Variants in CMIP observed in about 807,000 individuals in gnomAD.
CMIP encodes C-Maf-inducing protein.
Under a neutral mutation model 97.3 loss-of-function variants are expected in CMIP, and 13 were observed. That is an observed-to-expected ratio of 0.13 (90% CI 0.09 to 0.21). The LOEUF is 0.21. CMIP is among the 10% of genes least tolerant of loss of function. The pLI is 1.00. For synonymous variants in CMIP, 538 were observed against 436.3 expected (o/e 1.23, Z -2.91); for missense variants, 847 against 1,024.9 (o/e 0.83, Z 2.37).
intron 1 of CMIP, among the ~76,000 whole-genome samples, chr16:81,550,541 C>A (rs1187650617): frequency 1.3e-5 from 2 of 152,178 alleles, no homozygotes; most frequent in Non-Finnish European, 2.9e-5. Flanking sequence ...CTTATCCCGT[C>A]AAAGAATGTC....
intron 1 of CMIP, among the ~76,000 whole-genome samples, chr16:81,590,921 T>A (rs1567597903): frequency 6.6e-6 from 1 of 152,234 alleles, no homozygotes; most frequent in African/African-American, 2.4e-5. Flanking sequence ...GACCCACTAC[T>A]TGTCTTTGTA....
At chr16:81,578,031 A>G (rs1022698575) in intron 1 of CMIP, among the ~76,000 whole-genome samples, 4 of 151,462 alleles carry the variant, frequency 2.6e-5, no homozygotes, top group Admixed American at 6.6e-5. Context: ...CATCCCCATT[A>G]CCACTACTTT....
chr16:81,578,335 C>T (rs2091237450), intron 1 of CMIP, among the ~76,000 whole-genome samples: 1 of 152,244 alleles, frequency 6.6e-6, no homozygotes, highest in African/African-American at 2.4e-5. Flanking sequence ...AGGTCTCTTT[C>T]CTGCTCTTCC....
At chr16:81,557,409 T>C (rs1443638823) in intron 1 of CMIP, among the ~76,000 whole-genome samples, 2 of 152,248 alleles carry the variant, frequency 1.3e-5, no homozygotes, top group African/African-American at 4.8e-5. Flanking sequence ...CTTACCATCT[T>C]GTTGGCAGCC....
At chr16:81,602,800 C>T (rs1311670802) in intron 1 of CMIP, among the ~76,000 whole-genome samples, 2 of 152,198 alleles carry the variant, frequency 1.3e-5, no homozygotes, top group Non-Finnish European at 2.9e-5. Context: ...AATGTTCTTT[C>T]TTATCCAATT....
intron 1 of CMIP, chr16:81,464,250 C>T (rs1323266379): frequency 1.3e-5 from 2 of 152,280 alleles, no homozygotes; most frequent in Non-Finnish European, 2.9e-5. Context: ...AGCCAGAGCT[C>T]TTCCTAGTGC....
At chr16:81,476,996 C>G (rs1442130933) in intron 1 of CMIP, among the ~76,000 whole-genome samples, 1 of 151,976 alleles carries the variant, frequency 6.6e-6, no homozygotes, top group African/African-American at 2.4e-5. Flanking sequence ...TGGTGGACCT[C>G]TTTGGGCTTC....
chr16:81,705,454 C>T (rs746866387), intron 18 of CMIP, 45 bp from the exon 19 acceptor site: 1 of 1,397,170 alleles, frequency 7.2e-7, no homozygotes, highest in South Asian at 1.2e-5. Context: ...GAGTCACTTC[C>T]CCAGGAGTGG....
Position 81,652,378 on chromosome 16 carries a change from C to T in CMIP, c.639+14C>T, listed in dbSNP as rs2092438243. 3.1e-6 allele frequency: 5 copies of T among 1,608,140 alleles called. No homozygotes were observed. Among genetic ancestry groups the T allele is most frequent in the Non-Finnish European group, 4.2e-6 (5 of 1,177,372 alleles). ...CTGCTCTCAGAGGTAAAACCCCTCC[C>T]CTGGACCCCTTTACATTGTTTGCCT... On this transcript the variant is annotated intron_variant, in intron 4 of 20. Coordinates refer to ENST00000537098, the MANE Select transcript of CMIP (RefSeq NM_198390.3). The surrounding 1 kb of genome is among the most constrained non-coding windows in gnomAD (Gnocchi z 5.2).
Position 81,445,309 on chromosome 16 carries a change from T to C in CMIP, c.68T>C (p.Leu23Pro). 6.4e-7 allele frequency: 1 copy of C among 1,570,864 alleles called. No individual in the cohort carries two copies. Among genetic ancestry groups the C allele is most frequent in the Non-Finnish European group, 8.6e-7 (1 of 1,159,852 alleles). Residue 23 changes from leucine (L) to proline (P), a missense_variant, in exon 1 of 21, where the codon CTG becomes CCG. By Grantham distance (98) the Leu-to-Pro change is moderately conservative (BLOSUM62 -3). Around this residue, in one of 4 missense-constraint regions of CMIP, gnomAD observed 94 missense variants for 79.9 expected, o/e 1.18. Transcript: ENST00000537098. ...PRQIEETKPL[L>P]GGDVSAPEGT... ...CAGATCGAGGAGACCAAGCCGCTGC[T>C]GGGGGGCGACGTGTCGGCCCCCGAA...
intron 3 of CMIP, among the ~76,000 whole-genome samples, chr16:81,641,619 T>C (rs2092307716): frequency 6.6e-6 from 1 of 152,158 alleles, no homozygotes; most frequent in Non-Finnish European, 1.5e-5. Flanking sequence ...GACACCCGCC[T>C]GAGTTCCCGC....
At chr16:81,509,683 C>T (rs945948484) in intron 1 of CMIP, among the ~76,000 whole-genome samples, 1 of 152,158 alleles carries the variant, frequency 6.6e-6, no homozygotes, top group Non-Finnish European at 1.5e-5. Flanking sequence ...GGGCTCCAAC[C>T]CTGGTTTCAG....
chr16:81,549,371 T>C (rs940175057), intron 1 of CMIP, among the ~76,000 whole-genome samples: 1 of 152,244 alleles, frequency 6.6e-6, no homozygotes, highest in Admixed American at 6.5e-5. Context: ...ATCTGCTGTT[T>C]CTTCATTGGA....
At chr16:81,518,835 AT>A (rs35435211) in intron 1 of CMIP, 23,621 of 123,022 alleles carry the variant, frequency 0.19, 2,016 homozygotes, top group Admixed American at 0.3. Flanking sequence ...CTGCATCTCT[AT>A]TTTTTTTTTT....
intron 1 of CMIP, among the ~76,000 whole-genome samples, chr16:81,489,481 G>A (rs1012229730): frequency 1.1e-4 from 17 of 152,346 alleles, no homozygotes; most frequent in Admixed American, 1.1e-3. Context: ...TGAGAGACCA[G>A]CAGGAGAGGT....
chr16:81,601,316 A>G (rs949828703), intron 1 of CMIP, among the ~76,000 whole-genome samples: 67 of 152,194 alleles, frequency 4.4e-4, no homozygotes, highest in African/African-American at 1.6e-3. Flanking sequence ...GGAAACCAGC[A>G]GGCAGGTTTG....
At chr16:81,473,231 G>A (rs981194497) in intron 1 of CMIP, among the ~76,000 whole-genome samples, 1 of 152,232 alleles carries the variant, frequency 6.6e-6, no homozygotes, top group Non-Finnish European at 1.5e-5. Context: ...ACAGGCTGCG[G>A]CTGTCACTGA....
At position 81,452,533 on chromosome 16, in the gene CMIP, A is replaced by T. The variant is rs1906282101; in HGVS notation, c.300+6992A>T. On this transcript the variant is annotated intron_variant, in intron 1 of 20. Coordinates refer to ENST00000537098, the MANE Select transcript of CMIP (RefSeq NM_198390.3). Reference sequence around the variant, plus strand: ...TCCGATGACAGGGATCGTGGAGAAAAGCAAGCAGGGTGGGGCGAGTGGTGG... The same window carrying T: ...TCCGATGACAGGGATCGTGGAGAAATGCAAGCAGGGTGGGGCGAGTGGTGG... Among the ~76,000 whole-genome samples, 3 of 152,146 alleles carry T rather than the reference A, an allele frequency of 2.0e-5. No individual in the cohort carries two copies. The South Asian group carries it at 6.2e-4, about 32-fold the overall frequency.
chr16:81,603,283 A>G (rs2091687885), intron 1 of CMIP: 24 of 407,282 alleles, frequency 5.9e-5, no homozygotes, highest in South Asian at 4.0e-4. Flanking sequence ...GGGTTTCACC[A>G]TGTTAGCCAG....
Sources: allele counts gnomAD v4.1 joint callset (sites outside exome capture counted in the v4.1 genomes callset), GRCh38; gene constraint gnomAD v4.1.1; regional missense constraint gnomAD v4.1.1; non-coding constraint Gnocchi (gnomAD v3.1); transcripts MANE v1.5; gene names NCBI Gene and HGNC (gene_info 2026-07-23, HGNC 2026-07-21).